PPP2R5A: variants seen among roughly 807,000 people sequenced by gnomAD.
The protein encoded by PPP2R5A is protein phosphatase 2 regulatory subunit B'alpha.
PPP2R5A carries 25 observed loss-of-function variants against 64.2 expected under a neutral mutation model. The ratio of observed to expected loss-of-function variants is 0.39; its 90% CI spans 0.28 to 0.54. PPP2R5A has a LOEUF of 0.54. PPP2R5A is among the 20% of genes least tolerant of loss of function. The pLI is 0.67. For synonymous variants in PPP2R5A, 198 were observed against 201.2 expected (o/e 0.98, Z 0.13); for missense variants, 425 against 576.3 (o/e 0.74, Z 2.69).
intron 1 of PPP2R5A, chr1:212,299,636 C>T (rs1658763408): frequency 6.6e-6 from 1 of 152,124 alleles, no homozygotes; most frequent in Non-Finnish European, 1.5e-5. Flanking sequence ...CTAAAACTTC[C>T]AGACAAGCTG....
At chr1:212,346,999 C>T (rs1659792120) in intron 5 of PPP2R5A, among the ~76,000 whole-genome samples, 2 of 152,130 alleles carry the variant, frequency 1.3e-5, no homozygotes, top group Non-Finnish European at 2.9e-5. Context: ...GGGTCTTTTT[C>T]TCTTGGATTT....
intron 1 of PPP2R5A, among the ~76,000 whole-genome samples, chr1:212,319,963 T>A (rs1659237042): frequency 6.7e-6 from 1 of 149,934 alleles, no homozygotes; most frequent in South Asian, 2.1e-4. Flanking sequence ...TTTTTTTTTT[T>A]TTTTTATTGA....
chr1:212,334,357 T>C (rs1356739772), intron 3 of PPP2R5A, among the ~76,000 whole-genome samples: 1 of 152,048 alleles, frequency 6.6e-6, no homozygotes, highest in South Asian at 2.1e-4. Context: ...TGGAGTGGCA[T>C]GATCTCAGCT....
In PPP2R5A at chr1:212,317,978, C is replaced by G. The variant is rs978742769; in HGVS notation, c.182-11157C>G. Reference sequence around the variant, plus strand: ...AAAAATTAAAAAAAAAAGTGTGAGCCAAATATATTTTCAAGTTGAGTATTG... The same window carrying G: ...AAAAATTAAAAAAAAAAGTGTGAGCGAAATATATTTTCAAGTTGAGTATTG... On this transcript the variant is annotated intron_variant, in intron 1 of 12. Coordinates refer to ENST00000261461, the MANE Select transcript of PPP2R5A (RefSeq NM_006243.4). Among the ~76,000 whole-genome samples the G allele has an allele frequency of 2.6e-5, 4 of 152,022 alleles. No homozygotes were observed. The South Asian group carries it at 8.3e-4, about 32-fold the overall frequency.
At chr1:212,351,176 C>T (rs1271407781) in intron 8 of PPP2R5A, among the ~76,000 whole-genome samples, 4 of 151,566 alleles carry the variant, frequency 2.6e-5, no homozygotes, top group East Asian at 1.9e-4. Flanking sequence ...CAGCTTTTAT[C>T]TGGTTTGGCT....
intron 1 of PPP2R5A, among the ~76,000 whole-genome samples, chr1:212,306,102 C>T (rs1351442060): frequency 6.6e-6 from 1 of 152,170 alleles, no homozygotes; most frequent in African/African-American, 2.4e-5. Context: ...GTACCCTTTC[C>T]CCATTGGCCG....
intron 7 of PPP2R5A, among the ~76,000 whole-genome samples, chr1:212,348,969 T>G (rs701909): frequency 0.011 from 1,722 of 152,302 alleles, 29 homozygotes; most frequent in African/African-American, 0.039. Context: ...AAATGTTTTT[T>G]AAACTTGAAG....
chr1:212,349,706 T>G (rs1006770386), intron 8 of PPP2R5A, among the ~76,000 whole-genome samples: 2 of 152,218 alleles, frequency 1.3e-5, no homozygotes, highest in African/African-American at 2.4e-5. Flanking sequence ...TTTTGGTGAT[T>G]AAGATATAAG....
At chr1:212,288,581 A>T (rs1179658676) in intron 1 of PPP2R5A, among the ~76,000 whole-genome samples, 1 of 152,152 alleles carries the variant, frequency 6.6e-6, no homozygotes, top group Non-Finnish European at 1.5e-5. Context: ...AATAGGAACA[A>T]CTTCTTTTAC....
At chr1:212,293,776 T>C (rs180850979) in intron 1 of PPP2R5A, among the ~76,000 whole-genome samples, 1 of 152,158 alleles carries the variant, frequency 6.6e-6, no homozygotes, top group East Asian at 1.9e-4. Flanking sequence ...CCTACTGGAA[T>C]GGTGATGCTA....
chr1:212,360,544 GGTAA>G (rs1660061279), intron 12 of PPP2R5A, 90 bp from the exon 13 acceptor site: 1 of 1,096,742 alleles, frequency 9.1e-7, no homozygotes, highest in African/African-American at 1.6e-5. Flanking sequence ...GTGAAATGTG[GGTAA>G]GTAATGTGTT....
intron 1 of PPP2R5A, among the ~76,000 whole-genome samples, chr1:212,317,533 A>G (rs1281746920): frequency 6.6e-6 from 1 of 152,152 alleles, no homozygotes; most frequent in Non-Finnish European, 1.5e-5. Context: ...ATTTTACTTC[A>G]TAACTTACAT....
Position 212,356,546 on chromosome 1 carries a change from TATA to T in PPP2R5A, c.928-77_928-75del. ...TGATTTACTTCAGAATGAGTGTTGA[TATA>T]ATCACAGCTATGGAAAATACGCTGG... is the stretch of plus-strand genomic sequence containing the variant. On this transcript the variant is annotated intron_variant, in intron 8 of 12. Coordinates refer to ENST00000261461, the MANE Select transcript of PPP2R5A (RefSeq NM_006243.4). 3.8e-6 allele frequency: 5 copies of T among 1,302,300 alleles called. No individual in the cohort carries two copies. The South Asian group carries it at 6.9e-5, about 18-fold the overall frequency. The allele number at this position is 1,302,300 out of a possible 1,614,324, so 80.7% of individuals were successfully genotyped here.
chr1:212,316,587 C>CTTTTTTTTTTTTTTTTTTTTTTTTTTTTT (rs751228809), intron 1 of PPP2R5A, among the ~76,000 whole-genome samples: 2 of 36,670 alleles, frequency 5.5e-5, no homozygotes, highest in African/African-American at 8.1e-5. Context: ...TTGTGGGTGA[C>CTTTTTTTTTTTTTTTTTTTTTTTTTTTTT]TTTTTTTTTT....
intron 1 of PPP2R5A, among the ~76,000 whole-genome samples, chr1:212,303,362 A>G (rs2102415664): frequency 6.6e-6 from 1 of 152,298 alleles, no homozygotes; most frequent in East Asian, 1.9e-4. Context: ...GTCTTTGAAC[A>G]TGCTTATTGG....
At chr1:212,326,035 T>A (rs1312644540) in intron 1 of PPP2R5A, among the ~76,000 whole-genome samples, 1 of 152,100 alleles carries the variant, frequency 6.6e-6, no homozygotes, top group Non-Finnish European at 1.5e-5. Flanking sequence ...TACAACTGAT[T>A]TTACAGAGAA....
In PPP2R5A at chr1:212,318,855, A is replaced by T. The variant is rs115990507; in HGVS notation, c.182-10280A>T. Among the ~76,000 whole-genome samples the T allele has an allele frequency of 3.8e-3, 577 of 152,380 alleles. 4 individuals are homozygous for T. Among genetic ancestry groups the T allele is most frequent in the African/African-American group, 0.013 (551 of 41,590 alleles). On this transcript the variant is annotated intron_variant, in intron 1 of 12. Transcript: ENST00000261461. The stretch of plus-strand genomic sequence containing the variant: ...CATGATTTAAAGTATACAGGAGGCT[A>T]TGCATAGGTTAATGCAAATACTAGA...
intron 4 of PPP2R5A, among the ~76,000 whole-genome samples, chr1:212,343,471 A>T (rs1179623012): frequency 2.0e-5 from 3 of 152,230 alleles, no homozygotes; most frequent in Admixed American, 2.0e-4. Context: ...TGGTATATTT[A>T]GAGCTGATCT....
intron 3 of PPP2R5A, 69 bp from the exon 4 acceptor site, chr1:212,342,119 T>C: frequency 6.5e-7 from 1 of 1,545,186 alleles, no homozygotes; most frequent in East Asian, 2.3e-5. Context: ...GTGTTTTTAA[T>C]ATGAAGTGAT....
Sources: gnomAD v4.1 joint callset for allele counts (sites outside exome capture counted in the v4.1 genomes callset) on GRCh38, gnomAD v4.1.1 for gene constraint, MANE v1.5 for transcripts, NCBI Gene and HGNC (gene_info 2026-07-23, HGNC 2026-07-21) for gene names.